Variants in KCNB2 observed in about 807,000 individuals in gnomAD.
KCNB2 encodes delayed rectifier potassium channel protein.
A neutral mutation model predicts 61.5 loss-of-function variants in KCNB2; 15 were observed. The observed-to-expected ratio is 0.24, with a 90% CI of 0.16 to 0.38. The LOEUF is 0.38. Ranked by LOEUF, KCNB2 falls within the 10% of genes least tolerant of loss-of-function variation. KCNB2 has a pLI of 1.00. For synonymous variants in KCNB2, 457 were observed against 446.0 expected (o/e 1.02, Z -0.31); for missense variants, 828 against 1,125.2 (o/e 0.74, Z 3.78).
At chr8:72,604,197 A>T (rs1805411146) in intron 2 of KCNB2, among the ~76,000 whole-genome samples, 5 of 152,182 alleles carry the variant, frequency 3.3e-5, no homozygotes, top group Admixed American at 6.5e-5. Flanking sequence ...ACCCTACTCC[A>T]TAGAGTTTTA....
chr8:72,624,172 A>C (rs1334320352), intron 2 of KCNB2, among the ~76,000 whole-genome samples: 5 of 152,228 alleles, frequency 3.3e-5, no homozygotes, highest in Non-Finnish European at 1.5e-5. Context: ...GCTATTTTAC[A>C]AATATATGCT....
intron 2 of KCNB2, among the ~76,000 whole-genome samples, chr8:72,829,222 G>T (rs1307746991): frequency 6.6e-6 from 1 of 152,102 alleles, no homozygotes; most frequent in Non-Finnish European, 1.5e-5. Context: ...TATGATTCCT[G>T]AAGACACTGT....
intron 2 of KCNB2, among the ~76,000 whole-genome samples, chr8:72,797,451 G>A (rs977859935): frequency 5.3e-5 from 8 of 152,138 alleles, no homozygotes; most frequent in African/African-American, 1.9e-4. Context: ...AACACCTCCA[G>A]GCCAGGGGGC....
chr8:72,646,132 A>C (rs1298244276), intron 2 of KCNB2, among the ~76,000 whole-genome samples: 2 of 152,098 alleles, frequency 1.3e-5, no homozygotes, highest in Non-Finnish European at 2.9e-5. Context: ...AGTTTAATAA[A>C]TGTCAAGATA....
chr8:72,619,132 G>C (rs1019366788), intron 2 of KCNB2: 8 of 290,440 alleles, frequency 2.8e-5, no homozygotes, highest in South Asian at 2.7e-4. Flanking sequence ...TTTTTTTCAA[G>C]ATTTTCCCAT....
intron 2 of KCNB2, among the ~76,000 whole-genome samples, chr8:72,821,627 CACACAAAAAAAA>C (rs1484972037): frequency 4.7e-5 from 3 of 63,952 alleles, no homozygotes; most frequent in African/African-American, 7.3e-5. Context: ...CCTACACACA[CACACAAAAAAAA>C]ACAAAAAAAA....
chr8:72,809,712 T>A (rs1809276836), intron 2 of KCNB2, among the ~76,000 whole-genome samples: 1 of 152,168 alleles, frequency 6.6e-6, no homozygotes, highest in African/African-American at 2.4e-5. Flanking sequence ...CCAAATGCTC[T>A]CAGTTCTCCA....
At chr8:72,870,840 G>C (rs922048980) in intron 2 of KCNB2, among the ~76,000 whole-genome samples, 2 of 152,132 alleles carry the variant, frequency 1.3e-5, no homozygotes, top group African/African-American at 4.8e-5. Flanking sequence ...TGCCAGGTGT[G>C]GTGCCATGCA....
chr8:72,624,188 C>A (rs1241711260), intron 2 of KCNB2, among the ~76,000 whole-genome samples: 1 of 152,176 alleles, frequency 6.6e-6, no homozygotes, highest in East Asian at 1.9e-4. Flanking sequence ...ATGCTAAGTT[C>A]TTAAATATCT....
chr8:72,785,293 G>T (rs1213483876), intron 2 of KCNB2, among the ~76,000 whole-genome samples: 2 of 152,086 alleles, frequency 1.3e-5, no homozygotes, highest in Non-Finnish European at 2.9e-5. Context: ...AACAAAATAT[G>T]AGAGAAAGGC....
intron 2 of KCNB2, among the ~76,000 whole-genome samples, chr8:72,693,393 C>T (rs529969394): frequency 6.6e-6 from 1 of 152,296 alleles, no homozygotes; most frequent in East Asian, 1.9e-4. Context: ...CGTATACCTG[C>T]TGATGTGAAG....
At chr8:72,587,778 A>C (rs1457250376) in intron 2 of KCNB2, among the ~76,000 whole-genome samples, 1 of 152,188 alleles carries the variant, frequency 6.6e-6, no homozygotes, top group Non-Finnish European at 1.5e-5. Context: ...ACTCCATAAC[A>C]GGATGAAACT....
chr8:72,543,225 A>G (rs1428503343), intron 1 of KCNB2, among the ~76,000 whole-genome samples: 4 of 152,236 alleles, frequency 2.6e-5, no homozygotes, highest in Non-Finnish European at 5.9e-5. Context: ...TATCTGTAAT[A>G]GAAAGAGTAA....
chr8:72,851,314 C>T (rs553059628), intron 2 of KCNB2, among the ~76,000 whole-genome samples: 3 of 63,810 alleles, frequency 4.7e-5, no homozygotes, highest in East Asian at 2.9e-4. Context: ...TTAGGAGAGA[C>T]GAGTTGTAGC....
intron 2 of KCNB2, among the ~76,000 whole-genome samples, chr8:72,668,102 C>T (rs2128987936): frequency 6.6e-6 from 1 of 152,322 alleles, no homozygotes; most frequent in South Asian, 2.1e-4. Context: ...GCAGGAGAAA[C>T]CAGCCATGAA....
chr8:72,798,027 A>G (rs1387685521), intron 2 of KCNB2, among the ~76,000 whole-genome samples: 2 of 152,126 alleles, frequency 1.3e-5, no homozygotes, highest in Non-Finnish European at 2.9e-5. Context: ...TTCTTCATAT[A>G]CAACACTGAA....
intron 2 of KCNB2, among the ~76,000 whole-genome samples, chr8:72,703,301 G>A (rs1170133697): frequency 1.3e-5 from 2 of 152,170 alleles, no homozygotes; most frequent in Non-Finnish European, 2.9e-5. Context: ...CTCAAAGATG[G>A]AGATTGGCAG....
intron 2 of KCNB2, among the ~76,000 whole-genome samples, chr8:72,834,348 C>T (rs918331580): frequency 2.0e-5 from 3 of 152,062 alleles, no homozygotes; most frequent in African/African-American, 7.2e-5. Flanking sequence ...AGAACCGTTG[C>T]TACAGGGGGA....
chr8:72,616,388 T>A (rs888018802), intron 2 of KCNB2, among the ~76,000 whole-genome samples: 5 of 152,160 alleles, frequency 3.3e-5, no homozygotes, highest in Admixed American at 6.5e-5. Flanking sequence ...GTGTTAAGAG[T>A]TAATCTTACC....
Sources: gnomAD v4.1 joint callset for allele counts (sites outside exome capture counted in the v4.1 genomes callset) on GRCh38, gnomAD v4.1.1 for gene constraint, MANE v1.5 for transcripts, NCBI Gene and HGNC (gene_info 2026-07-23, HGNC 2026-07-21) for gene names.